The following DMWD variants were observed in gnomAD, a reference collection of about 807,000 sequenced individuals.
DMWD encodes dystrophia myotonica WD repeat-containing protein.
A neutral mutation model predicts 45.8 loss-of-function variants in DMWD; 19 were observed. The ratio of observed to expected loss-of-function variants is 0.41; its 90% confidence interval spans 0.29 to 0.61. DMWD has a LOEUF of 0.61. Among genes scored for constraint, DMWD ranks in the 20% least tolerant of loss-of-function variants. The pLI is 0.25. For missense variants in DMWD, 802 were observed against 965.2 expected (o/e 0.83, Z 2.24); for synonymous variants, 515 against 440.5 (o/e 1.17, Z -2.12).
rs1009204705 is a variant in DMWD at position 45,783,217 on chromosome 19, C to T, written c.*1026G>A. ...GCTGGGATTAGAAACAGAAACATTTCGGGGGGTGGAGGGTGGCGCGGGAAG... is the reference window on the plus strand; with the variant it reads ...GCTGGGATTAGAAACAGAAACATTTTGGGGGGTGGAGGGTGGCGCGGGAAG... On this transcript the variant is annotated 3_prime_UTR_variant, in exon 5 of 5. Transcript: ENST00000270223. The T allele has an allele frequency of 1.1e-5, 2 of 186,826 alleles. No individual in the cohort carries two copies. Among genetic ancestry groups the T allele is most frequent in the Non-Finnish European group, 2.2e-5 (2 of 91,226 alleles). The allele number at this position is 186,826 out of a possible 1,614,324, so 11.6% of individuals were successfully genotyped here. A position where few individuals can be genotyped will look rare whatever the true frequency, so the allele number is the denominator to read the frequency against.
At position 45,792,496 on chromosome 19, in the gene DMWD, G is replaced by C. The variant is rs1029265518; in HGVS notation, c.261C>G (p.Pro87=). 146 of 1,171,814 alleles carry C rather than the reference G, an allele frequency of 1.2e-4. No individual in the cohort carries two copies. The highest frequency in any genetic ancestry group is 4.3e-4 in the Admixed American group (9 of 20,946). 72.6% of individuals were successfully genotyped at this position (1,171,814 alleles called of 1,614,324 possible). A position where few individuals can be genotyped will look rare whatever the true frequency, so the allele number is the denominator to read the frequency against. Residue 87 remains proline (P), a synonymous_variant, in exon 1 of 5, where the codon CCC becomes CCG. Transcript: ENST00000270223. ...GGCGCACGGCGGGCAGGGCGGGCCCGGGTCCGGGGCCTGCGGGCGGCGGGG... is the reference window on the plus strand; with the variant it reads ...GGCGCACGGCGGGCAGGGCGGGCCCCGGTCCGGGGCCTGCGGGCGGCGGGG... ...ASSPPPAGPG[P]GPALPAVRLS... is the part of the protein sequence containing the mutation.
At chr19:45,789,555 T>C (rs969921807) in intron 2 of DMWD, 5 of 152,174 alleles carry the variant, frequency 3.3e-5, no homozygotes, top group African/African-American at 9.7e-5. Context: ...ATGGTCACCT[T>C]CCCAAAGTCA....
Position 45,783,919 on chromosome 19 carries a change from C to T in DMWD, c.*324G>A, listed in dbSNP as rs1020792883. On this transcript the variant is annotated 3_prime_UTR_variant, in exon 5 of 5. Coordinates refer to ENST00000270223, the MANE Select transcript of DMWD (RefSeq NM_004943.2). ...TGAGGGGCACACTGCAGACCTGGGG[C>T]TCTTGTGGCAGGGGCGGGGAGTCTC... 1.9e-6 allele frequency: 1 copy of T among 537,312 alleles called. No individual in the cohort carries two copies. Among genetic ancestry groups the T allele is most frequent in the Non-Finnish European group, 3.3e-6 (1 of 307,584 alleles). The allele number at this position is 537,312 out of a possible 1,614,324, so 33.3% of individuals were successfully genotyped here. A position where few individuals can be genotyped will look rare whatever the true frequency, so the allele number is the denominator to read the frequency against.
Position 45,792,680 on chromosome 19 carries a change from A to G in DMWD, c.77T>C (p.Phe26Ser). Residue 26 changes from phenylalanine (F) to serine (S), a missense_variant, in exon 1 of 5, where the codon TTC becomes TCC. Phe to Ser is a radical substitution (Grantham distance 155, BLOSUM62 -2). Coordinates refer to ENST00000270223, the MANE Select transcript of DMWD (RefSeq NM_004943.2). ...MGDCAEIKSQ[F>S]RTREGFYKLL... ...CTTGTAGAAACCCTCGCGCGTGCGG[A>G]ATTGCGACTTAATCTCCGCGCAGTC... The G allele has an allele frequency of 7.7e-7, 1 of 1,298,964 alleles. No individual in the cohort carries two copies. The highest frequency in any genetic ancestry group is 9.9e-7 in the Non-Finnish European group (1 of 1,007,778). 80.5% of individuals were successfully genotyped at this position (1,298,964 alleles called of 1,614,324 possible). A position where few individuals can be genotyped will look rare whatever the true frequency, so the allele number is the denominator to read the frequency against.
Position 45,792,313 on chromosome 19 carries a change from C to T in DMWD, c.441+3G>A, listed in dbSNP as rs1970365288. On this transcript the variant is annotated splice_donor_region_variant and intron_variant, in intron 1 of 4. Coordinates refer to ENST00000270223, the MANE Select transcript of DMWD (RefSeq NM_004943.2). ...CCAGGGCCCCACGATGCAGGCCGCT[C>T]ACCCGTTGGCTCCCACGACGACAGC... 4 of 1,606,020 alleles carry T rather than the reference C, an allele frequency of 2.5e-6. No homozygotes were observed. The highest frequency in any genetic ancestry group is 2.2e-5 in the South Asian group (2 of 90,528).
chr19:45,788,667 G>A (rs971591441), intron 2 of DMWD, among the ~76,000 whole-genome samples: 8 of 152,146 alleles, frequency 5.3e-5, no homozygotes, highest in African/African-American at 1.9e-4. Flanking sequence ...GATGGCTCAC[G>A]CCTATAATCC....
chr19:45,785,170 C>T, intron 3 of DMWD: 2 of 1,025,320 alleles, frequency 2.0e-6, no homozygotes, highest in Non-Finnish European at 2.3e-6. Context: ...AGTCCCAGAC[C>T]CAGGCTGGCA....
At position 45,784,241 on chromosome 19, in the gene DMWD, C is replaced by T; in HGVS notation, c.*2G>A. On this transcript the variant is annotated 3_prime_UTR_variant, in exon 5 of 5. Coordinates refer to ENST00000270223, the MANE Select transcript of DMWD (RefSeq NM_004943.2). ...GGTTGGGGGGGCCCGATATCCATGG[C>T]TTCACACCACTGTGCCACTCGGGGA... 6.5e-7 allele frequency: 1 copy of T among 1,550,352 alleles called. No homozygotes were observed. The highest frequency in any genetic ancestry group is 8.7e-7 in the Non-Finnish European group (1 of 1,150,314).
intron 2 of DMWD, among the ~76,000 whole-genome samples, chr19:45,788,188 G>C (rs1970307742): frequency 6.6e-6 from 1 of 152,192 alleles, no homozygotes; most frequent in Non-Finnish European, 1.5e-5. Context: ...CCAATGCCTG[G>C]GCCTGTCTGT....
Position 45,783,273 on chromosome 19 carries a change from G to A in DMWD, c.*970C>T. 3.3e-6 allele frequency: 1 copy of A among 302,194 alleles called. No homozygotes were observed. Among genetic ancestry groups the A allele is most frequent in the Non-Finnish European group, 6.0e-6 (1 of 165,344 alleles). The allele number at this position is 302,194 out of a possible 1,614,324, so 18.7% of individuals were successfully genotyped here. On this transcript the variant is annotated 3_prime_UTR_variant, in exon 5 of 5. Transcript: ENST00000270223. ...CTCCCTGCGGCTCCGAGAGCCAAGA[G>A]GAATCTGAGCTCTTCTTTCCAGGGT...
At position 45,792,722 on chromosome 19, in the gene DMWD, G is replaced by A. The variant is rs1438560024; in HGVS notation, c.35C>T (p.Pro12Leu). The A allele has an allele frequency of 5.9e-6, 7 of 1,190,756 alleles. No individual in the cohort carries two copies. Among genetic ancestry groups the A allele is most frequent in the Admixed American group, 3.8e-5 (1 of 26,382 alleles). 73.8% of individuals were successfully genotyped at this position (1,190,756 alleles called of 1,614,324 possible). A position where few individuals can be genotyped will look rare whatever the true frequency, so the allele number is the denominator to read the frequency against. ...CGCGCAGTCCCCCATGGCGGCGCCG[G>A]GGCCCGAGCCGCCCTCCGCGCCGCC... ...AAGGAEGGSG[P>L]GAAMGDCAEI... Residue 12 changes from proline (P) to leucine (L), a missense_variant, in exon 1 of 5, where the codon CCC becomes CTC. Pro to Leu is a moderately conservative substitution (Grantham distance 98, BLOSUM62 -3). This residue lies in a region of DMWD where 151 missense variants were observed against 128.1 expected (regional missense o/e 1.18). Transcript: ENST00000270223.
intron 2 of DMWD, chr19:45,787,134 G>A (rs1007178273): frequency 5.1e-6 from 3 of 584,646 alleles, no homozygotes; most frequent in Non-Finnish European, 3.0e-6. Context: ...CATCTTTGGC[G>A]AGGGGACAGT....
At chr19:45,787,720 CCT>C (rs763950528) in intron 2 of DMWD, among the ~76,000 whole-genome samples, 15 of 152,352 alleles carry the variant, frequency 9.8e-5, no homozygotes, top group Admixed American at 1.3e-4. Flanking sequence ...GGCATCTGCC[CCT>C]CTTTTCCTCA....
At chr19:45,786,902 A>G (rs1970287280) in intron 2 of DMWD, 31 bp from the exon 3 acceptor site, 1 of 1,597,086 alleles carries the variant, frequency 6.3e-7, no homozygotes, top group African/African-American at 1.3e-5. Context: ...GGGTTGGGAG[A>G]AGGCAGTAAA....
At chr19:45,787,899 G>C (rs1046217678) in intron 2 of DMWD, among the ~76,000 whole-genome samples, 1 of 152,054 alleles carries the variant, frequency 6.6e-6, no homozygotes, top group South Asian at 2.1e-4. Context: ...AATACAAGTA[G>C]AGATACAAAA....
Position 45,783,654 on chromosome 19 carries a change from G to T in DMWD, c.*589C>A, listed in dbSNP as rs974059685. ...AGCAGGCCTGCACTCCTCCTCTGGG[G>T]AAAGCGGACTGCCTAGAACCACAGA... On this transcript the variant is annotated 3_prime_UTR_variant, in exon 5 of 5. Coordinates refer to ENST00000270223, the MANE Select transcript of DMWD (RefSeq NM_004943.2). 5 of 401,070 alleles carry T rather than the reference G, an allele frequency of 1.2e-5. No individual in the cohort carries two copies. Among genetic ancestry groups the T allele is most frequent in the African/African-American group, 1.0e-4 (5 of 48,618 alleles). 24.8% of individuals were successfully genotyped at this position (401,070 alleles called of 1,614,324 possible).
Position 45,788,630 on chromosome 19 carries a change from C to T in DMWD, c.625-1759G>A, listed in dbSNP as rs562071760. Among the ~76,000 whole-genome samples, 5 of 152,324 alleles carry T rather than the reference C, an allele frequency of 3.3e-5. No individual in the cohort carries two copies. The Middle Eastern group carries it at 0.017, about 518-fold the overall frequency. On this transcript the variant is annotated intron_variant, in intron 2 of 4. Transcript: ENST00000270223. Reference sequence around the variant, plus strand: ...GCATTTGTCCTAGCTGGCCCCGATACTCAGAATGTCCTTCTTGGCTGGGTG... The same window carrying T: ...GCATTTGTCCTAGCTGGCCCCGATATTCAGAATGTCCTTCTTGGCTGGGTG...
At chr19:45,790,236 G>C (rs926040231) in intron 2 of DMWD, 2 of 151,786 alleles carry the variant, frequency 1.3e-5, no homozygotes, top group African/African-American at 2.4e-5. Context: ...GCTTGAACCT[G>C]GGAGGCGGAG....
chr19:45,784,492 A>G lies in DMWD; in HGVS notation c.1977+149T>C, dbSNP rs963096257. On this transcript the variant is annotated intron_variant, in intron 4 of 4. Coordinates refer to ENST00000270223, the MANE Select transcript of DMWD (RefSeq NM_004943.2). The stretch of plus-strand genomic sequence containing the variant: ...CTAGCTTCCTGTCCTGGCAGTCAGC[A>G]CTTTCACGCAATAATCAAAGTCCTT... The G allele has an allele frequency of 5.1e-6, 7 of 1,376,222 alleles. No individual in the cohort carries two copies. The East Asian group carries it at 9.6e-5, about 19-fold the overall frequency. The allele number at this position is 1,376,222 out of a possible 1,614,324, so 85.3% of individuals were successfully genotyped here.
Sources: allele counts gnomAD v4.1 joint callset (sites outside exome capture counted in the v4.1 genomes callset), GRCh38; gene constraint gnomAD v4.1.1; regional missense constraint gnomAD v4.1.1; transcripts MANE v1.5; gene names NCBI Gene and HGNC (gene_info 2026-07-23, HGNC 2026-07-21).